Variants in LIAS observed in about 807,000 individuals in gnomAD.
LIAS encodes the protein lipoyl synthase, mitochondrial.
LIAS carries 36 observed loss-of-function variants against 49.4 expected under a neutral mutation model. The observed-to-expected ratio is 0.73, with a 90% CI of 0.56 to 0.96. LIAS has a LOEUF of 0.96. LIAS is among the 40% of genes least tolerant of loss of function. The pLI, the probability that LIAS is intolerant of heterozygous loss-of-function variation, is 0.00. For synonymous variants in LIAS, 145 were observed against 155.8 expected, an observed-to-expected ratio of 0.93 and a Z score of 0.52; for missense variants, 399 against 456.3, an observed-to-expected ratio of 0.87 and a Z score of 1.14.
At chr4:39,459,400 C>T (rs749594793) in intron 1 of LIAS, among the ~76,000 whole-genome samples, 1 of 152,186 alleles carries the variant, frequency 6.6e-6, no homozygotes, top group Non-Finnish European at 1.5e-5. Context: ...TTATTTTCTG[C>T]TTAGAGTGGT....
Position 39,465,065 on chromosome 4 carries a change from C to G in LIAS, c.413C>G (p.Thr138Arg). The change falls in exon 5 of 11, where the codon ACA (threonine) becomes AGA (arginine). Residue 138 changes from threonine (T) to arginine (R), a missense_variant. Transcript: ENST00000640888. ...TTCTAGTTGATGGGTGACACATGTA[C>G]AAGAGGTTGCAGATTTTGTTCTGTT... is the stretch of plus-strand genomic sequence containing the variant. ...ATIMLMGDTC[T>R]RGCRFCSVKT... 6.2e-7 allele frequency: 1 copy of G among 1,613,860 alleles called. No homozygotes were observed. The highest frequency in any genetic ancestry group is 8.5e-7 in the Non-Finnish European group (1 of 1,179,850).
At chr4:39,463,388 C>G (rs541644448) in intron 3 of LIAS, 137 bp from the exon 4 acceptor site, 86 of 1,195,502 alleles carry the variant, frequency 7.2e-5, no homozygotes, top group South Asian at 2.2e-4. Context: ...TTGGTCTTAA[C>G]AGCATTTTTG....
In LIAS at chr4:39,479,388, T is replaced by C. The variant is rs1192503096; in HGVS notation, c.*2273T>C. On this transcript the variant is annotated 3_prime_UTR_variant, in exon 11 of 11. Coordinates refer to ENST00000640888, the MANE Select transcript of LIAS (RefSeq NM_006859.4). Reference sequence around the variant, plus strand: ...AAAATTAGCCAAGTGTGGTGGCGCATGTCTGTAATCCCAGCTACTCAGGAG... The same window carrying C: ...AAAATTAGCCAAGTGTGGTGGCGCACGTCTGTAATCCCAGCTACTCAGGAG... 1 of 148,662 alleles carries C rather than the reference T, an allele frequency of 6.7e-6. No homozygotes were observed. Among genetic ancestry groups the C allele is most frequent in the Non-Finnish European group, 1.5e-5 (1 of 67,428 alleles). 9.2% of individuals were successfully genotyped at this position (148,662 alleles called of 1,614,324 possible). A position where few individuals can be genotyped will look rare whatever the true frequency, so the allele number is the denominator to read the frequency against.
At position 39,478,454 on chromosome 4, in the gene LIAS, A is replaced by T. The variant is rs1482217693; in HGVS notation, c.*1339A>T. ...GTGAAGCAGAGATTGCAGTGAGGCG[A>T]TATCGTGCCACTGCACTCCAGCCCG... On this transcript the variant is annotated 3_prime_UTR_variant, in exon 11 of 11. Coordinates refer to ENST00000640888, the MANE Select transcript of LIAS (RefSeq NM_006859.4). 6.6e-6 allele frequency: 1 copy of T among 152,180 alleles called. No homozygotes were observed. Among genetic ancestry groups the T allele is most frequent in the Non-Finnish European group, 1.5e-5 (1 of 68,048 alleles). 9.4% of individuals were successfully genotyped at this position (152,180 alleles called of 1,614,324 possible). A position where few individuals can be genotyped will look rare whatever the true frequency, so the allele number is the denominator to read the frequency against.
chr4:39,477,104 A>G lies in LIAS; in HGVS notation c.1108A>G (p.Lys370Glu), dbSNP rs1745219380. Residue 370 changes from lysine (K) to glutamate (E), a missense_variant, in exon 11 of 11, where the codon AAA (lysine) becomes GAA (glutamate). Lys to Glu is a moderately conservative substitution (Grantham distance 56). Coordinates refer to ENST00000640888, the MANE Select transcript of LIAS (RefSeq NM_006859.4). ...AAATCTAGTGGCTAAAAGAAAAACA[A>G]AAGACCTCTAAAACTTCAACAAGAC... ...LKNLVAKRKT[K>E]DL 6.3e-7 allele frequency: 1 copy of G among 1,599,260 alleles called. No individual in the cohort carries two copies. Among genetic ancestry groups the G allele is most frequent in the Non-Finnish European group, 8.5e-7 (1 of 1,174,760 alleles).
At chr4:39,472,861 T>C (rs1346659403) in intron 9 of LIAS, among the ~76,000 whole-genome samples, 1 of 152,222 alleles carries the variant, frequency 6.6e-6, no homozygotes, top group Non-Finnish European at 1.5e-5. Flanking sequence ...GGAATAGCCA[T>C]TGTAGCACAA....
In LIAS at chr4:39,460,844, A is replaced by T. The variant is rs764858363; in HGVS notation, c.100A>T (p.Lys34Ter). 1.1e-5 allele frequency: 18 copies of T among 1,591,116 alleles called. No individual in the cohort carries two copies. Among genetic ancestry groups the T allele is most frequent in the South Asian group, 4.6e-5 (4 of 86,434 alleles). The change falls in exon 2 of 11, where the codon AAA (lysine) becomes TAA (stop). Residue 34 changes from lysine to a stop codon, truncating the protein, a stop_gained. Transcript: ENST00000640888. LOFTEE classifies it high-confidence loss of function. ...PVRPLSSLPD[K>*]KKELLQNGPD... ...CAGACCGTTAAGCTCCTTGCCAGATAAAAAAAAGGAACTCCTACAGAATGG... is the reference window on the plus strand; with the variant it reads ...CAGACCGTTAAGCTCCTTGCCAGATTAAAAAAAGGAACTCCTACAGAATGG...
chr4:39,465,310 C>G lies in LIAS; in HGVS notation c.576C>G (p.His192Gln). 6.2e-7 allele frequency: 1 copy of G among 1,612,554 alleles called. No individual in the cohort carries two copies. Among genetic ancestry groups the G allele is most frequent in the South Asian group, 1.1e-5 (1 of 90,690 alleles). ...ATATGCCTGATGGGGGAGCTGAACA[C>G]ATTGCAAAGACCGTATCATATTTAA... Reference protein sequence around the residue: ...RDDMPDGGAEHIAKTVSYLKE... With the variant: ...RDDMPDGGAEQIAKTVSYLKE... Residue 192 changes from histidine to glutamine, a missense_variant, in exon 6 of 11, where the codon CAC (histidine) becomes CAG (glutamine). By Grantham distance (24) the His-to-Gln change is conservative. Transcript: ENST00000640888.
Position 39,470,175 on chromosome 4 carries a change from T to G in LIAS, c.883+11T>G. On this transcript the variant is annotated intron_variant, in intron 8 of 10. Coordinates refer to ENST00000640888, the MANE Select transcript of LIAS (RefSeq NM_006859.4). ...ATGCAACAATGAAAGGTAAAGAAAT[T>G]GAAAAATGAAAAATCTTTCCCATGT... 6.2e-7 allele frequency: 1 copy of G among 1,603,292 alleles called. No individual in the cohort carries two copies. The highest frequency in any genetic ancestry group is 8.5e-7 in the Non-Finnish European group (1 of 1,173,316).
chr4:39,471,119 A>G, intron 8 of LIAS, 117 bp from the exon 9 acceptor site: 2 of 707,628 alleles, frequency 2.8e-6, no homozygotes, highest in Middle Eastern at 5.0e-4. Context: ...ATTCCCCAAC[A>G]TGAAGATTAT....
rs1003800399 is a variant in LIAS, at chr4:39,465,355, G to A, written c.608+13G>A. The A allele has an allele frequency of 2.9e-5, 46 of 1,602,540 alleles. No homozygotes were observed. Among genetic ancestry groups the A allele is most frequent in the Non-Finnish European group, 3.8e-5 (45 of 1,176,870 alleles). Reference sequence around the variant, plus strand: ...ATTTAAAGGAAAGGTACTTATTTTTGCATTTGTGTAATTTAAGGACCTTTT... The same window carrying A: ...ATTTAAAGGAAAGGTACTTATTTTTACATTTGTGTAATTTAAGGACCTTTT... On this transcript the variant is annotated intron_variant, in intron 6 of 10. Coordinates refer to ENST00000640888, the MANE Select transcript of LIAS (RefSeq NM_006859.4).
At chr4:39,462,660 A>G (rs2109871077) in intron 3 of LIAS, among the ~76,000 whole-genome samples, 1 of 152,346 alleles carries the variant, frequency 6.6e-6, no homozygotes, top group South Asian at 2.1e-4. Context: ...GCACATATGA[A>G]GTATATACAT....
intron 10 of LIAS, chr4:39,473,605 C>T (rs1286304552): frequency 6.3e-6 from 1 of 157,876 alleles, no homozygotes; most frequent in African/African-American, 2.4e-5. Context: ...CATCTCCAGA[C>T]TCAGTTTCAA....
Position 39,460,831 on chromosome 4 carries a change from C to T in LIAS, c.87C>T (p.Ser29=). 6.2e-7 allele frequency: 1 copy of T among 1,604,784 alleles called. No homozygotes were observed. Among genetic ancestry groups the T allele is most frequent in the Non-Finnish European group, 8.5e-7 (1 of 1,177,138 alleles). Residue 29 remains serine (S), a synonymous_variant, in exon 2 of 11, where the codon AGC becomes AGT. Coordinates refer to ENST00000640888, the MANE Select transcript of LIAS (RefSeq NM_006859.4). ...TTTGCAGCCCAGTCAGACCGTTAAG[C>T]TCCTTGCCAGATAAAAAAAAGGAAC... ...RYFCSPVRPL[S]SLPDKKKELL...
At chr4:39,472,274 C>T (rs1745022171) in intron 9 of LIAS, among the ~76,000 whole-genome samples, 1 of 151,962 alleles carries the variant, frequency 6.6e-6, no homozygotes, top group Non-Finnish European at 1.5e-5. Context: ...GGTCTTCATC[C>T]TCATCATCTT....
At chr4:39,465,670 T>C (rs1282772836) in intron 6 of LIAS, among the ~76,000 whole-genome samples, 1 of 79,952 alleles carries the variant, frequency 1.3e-5, no homozygotes, top group Non-Finnish European at 2.6e-5. Context: ...TAGTAATGAT[T>C]TTTTTTTTTT....
chr4:39,476,235 G>C (rs1194343139), intron 10 of LIAS: 1 of 152,188 alleles, frequency 6.6e-6, no homozygotes, highest in Non-Finnish European at 1.5e-5. Flanking sequence ...AGACTAAAAT[G>C]ATGGATTAGG....
In LIAS at chr4:39,479,134, T is replaced by C. The variant is rs10022912; in HGVS notation, c.*2019T>C. On this transcript the variant is annotated 3_prime_UTR_variant, in exon 11 of 11. Coordinates refer to ENST00000640888, the MANE Select transcript of LIAS (RefSeq NM_006859.4). ...CTGAGGCAGGAGAATCACTTGAACC[T>C]GACAGGCAGAGGTTGCAGTGAGCTG... The C allele has an allele frequency of 0.078, 11,824 of 152,162 alleles. 560 individuals carry two copies. The highest frequency in any genetic ancestry group is 0.13 in the African/African-American group (5,360 of 41,472). The allele number at this position is 152,162 out of a possible 1,614,324, so 9.4% of individuals were successfully genotyped here.
intron 7 of LIAS, among the ~76,000 whole-genome samples, chr4:39,468,617 G>A (rs147077744): frequency 4.1e-5 from 6 of 145,970 alleles, no homozygotes; most frequent in South Asian, 2.1e-4. Flanking sequence ...CGTGGCTCAC[G>A]CCTATAATCC....
Sources: allele counts gnomAD v4.1 joint callset (sites outside exome capture counted in the v4.1 genomes callset), GRCh38; gene constraint gnomAD v4.1.1; transcripts MANE v1.5; gene names NCBI Gene and HGNC (gene_info 2026-07-23, HGNC 2026-07-21).